EFHD1: variants seen among roughly 807,000 people sequenced by gnomAD.
EFHD1 encodes the protein EF-hand domain-containing protein D1.
EFHD1 carries 10 observed loss-of-function variants against 17.2 expected under a neutral mutation model. That is an observed-to-expected ratio of 0.58 (90% CI 0.36 to 0.99). The LOEUF is 0.99. Among genes scored for constraint, EFHD1 ranks in the 50% least tolerant of loss-of-function variants. EFHD1 has a pLI of 0.01. For synonymous variants in EFHD1, 153 were observed against 142.0 expected (o/e 1.08, Z -0.55); for missense variants, 310 against 327.5 (o/e 0.95, Z 0.41).
chr2:232,623,818 G>A (rs544107010), intron 1 of EFHD1, among the ~76,000 whole-genome samples: 13 of 152,304 alleles, frequency 8.5e-5, no homozygotes, highest in Admixed American at 8.5e-4. Flanking sequence ...GAGGACAAGT[G>A]GGCAGAGGGC....
At chr2:232,654,872 C>G (rs1379446953) in intron 1 of EFHD1, among the ~76,000 whole-genome samples, 1 of 152,192 alleles carries the variant, frequency 6.6e-6, no homozygotes, top group Non-Finnish European at 1.5e-5. Context: ...CTTCCTCTCC[C>G]AGCTGAGGAC....
chr2:232,613,677 T>C (rs796672334), intron 1 of EFHD1, among the ~76,000 whole-genome samples: 1 of 51,810 alleles, frequency 1.9e-5, no homozygotes, highest in African/African-American at 5.9e-5. Context: ...CACACAAATA[T>C]ACACACATAC....
intron 3 of EFHD1, among the ~76,000 whole-genome samples, chr2:232,678,143 C>T (rs1695210809): frequency 6.6e-6 from 1 of 151,702 alleles, no homozygotes; most frequent in Non-Finnish European, 1.5e-5. Flanking sequence ...ATTAGCTGGG[C>T]GTGGTGGCGT....
intron 1 of EFHD1, among the ~76,000 whole-genome samples, chr2:232,613,602 C>CCA (rs138706897): frequency 0.072 from 10,034 of 138,428 alleles, 448 homozygotes; most frequent in Admixed American, 0.14. Flanking sequence ...CAAAGAGGAA[C>CCA]CACACACACA....
At chr2:232,615,330 T>TGTGC (rs1553594535) in intron 1 of EFHD1, among the ~76,000 whole-genome samples, 1 of 141,056 alleles carries the variant, frequency 7.1e-6, no homozygotes, top group Non-Finnish European at 1.6e-5. Context: ...TGTGTGTGTG[T>TGTGC]GTGTGTGTGT....
chr2:232,664,606 G>GTTTTTTTT (rs57219644), intron 2 of EFHD1, among the ~76,000 whole-genome samples: 3 of 62,678 alleles, frequency 4.8e-5, no homozygotes, highest in Non-Finnish European at 5.6e-5. Flanking sequence ...CCCCAAAATA[G>GTTTTTTTT]TTTTTTTTTT....
At chr2:232,663,775 T>C (rs574315235) in intron 2 of EFHD1, among the ~76,000 whole-genome samples, 1 of 152,168 alleles carries the variant, frequency 6.6e-6, no homozygotes, top group Non-Finnish European at 1.5e-5. Flanking sequence ...AAACATTCTA[T>C]TCCTTTTAGT....
chr2:232,652,462 A>G (rs968344967), intron 1 of EFHD1, among the ~76,000 whole-genome samples: 10 of 152,226 alleles, frequency 6.6e-5, no homozygotes, highest in African/African-American at 2.4e-4. Context: ...CCCCGGGTTC[A>G]TTCTGATCCC....
intron 1 of EFHD1, among the ~76,000 whole-genome samples, chr2:232,651,631 T>C (rs1694655553): frequency 6.6e-6 from 1 of 152,196 alleles, no homozygotes. Context: ...ATCTTGTCTA[T>C]TTTCCTTTAT....
At chr2:232,638,307 C>G in intron 1 of EFHD1, 1 of 469,880 alleles carries the variant, frequency 2.1e-6, no homozygotes, top group Admixed American at 2.4e-5. Flanking sequence ...AATGCAGCCG[C>G]AAGGTTTTTG....
intron 1 of EFHD1, among the ~76,000 whole-genome samples, chr2:232,634,275 A>C (rs895377856): frequency 6.6e-6 from 1 of 150,474 alleles, no homozygotes; most frequent in Non-Finnish European, 1.5e-5. Flanking sequence ...AGGTCCCCCA[A>C]CCCCGACCAC....
At chr2:232,613,878 A>C (rs550993592) in intron 1 of EFHD1, among the ~76,000 whole-genome samples, 2 of 102,062 alleles carry the variant, frequency 2.0e-5, no homozygotes, top group South Asian at 5.0e-4. Flanking sequence ...AAATATACAC[A>C]CACATATACA....
chr2:232,664,726 G>T (rs546355356), intron 2 of EFHD1, among the ~76,000 whole-genome samples: 23 of 143,962 alleles, frequency 1.6e-4, no homozygotes, highest in Non-Finnish European at 3.0e-4. Flanking sequence ...CCATTCTCCT[G>T]CCTCAGCCTC....
intron 1 of EFHD1, among the ~76,000 whole-genome samples, chr2:232,639,726 C>A (rs1381362900): frequency 2.0e-5 from 3 of 152,114 alleles, no homozygotes; most frequent in Non-Finnish European, 2.9e-5. Flanking sequence ...GTCTTGGGAG[C>A]TAGAGGGTGC....
intron 1 of EFHD1, among the ~76,000 whole-genome samples, chr2:232,645,726 A>G (rs777435316): frequency 6.6e-5 from 10 of 152,244 alleles, no homozygotes; most frequent in South Asian, 4.1e-4. Flanking sequence ...CGATTTCCAC[A>G]TGGGAACTCA....
chr2:232,677,972 T>C (rs937554994), intron 3 of EFHD1, among the ~76,000 whole-genome samples: 2 of 152,100 alleles, frequency 1.3e-5, no homozygotes, highest in South Asian at 2.1e-4. Flanking sequence ...TATCAATGAA[T>C]GTAGCTCTAA....
At chr2:232,655,802 CTTTTTTT>C (rs66762860) in intron 1 of EFHD1, among the ~76,000 whole-genome samples, 2 of 133,282 alleles carry the variant, frequency 1.5e-5, no homozygotes, top group Admixed American at 7.4e-5. Flanking sequence ...TGTGTGGGGT[CTTTTTTT>C]TTTTTTTTTT....
intron 1 of EFHD1, among the ~76,000 whole-genome samples, chr2:232,644,785 C>T (rs1245142903): frequency 6.7e-6 from 1 of 149,830 alleles, no homozygotes; most frequent in African/African-American, 2.5e-5. Flanking sequence ...AGCCACTGCA[C>T]CTGGCCTAAT....
intron 1 of EFHD1, among the ~76,000 whole-genome samples, chr2:232,656,974 CTTGTT>C (rs1694775413): frequency 6.6e-6 from 1 of 152,088 alleles, no homozygotes; most frequent in South Asian, 2.1e-4. Context: ...GAGATGGGGT[CTTGTT>C]TTGTTGCCCA....
Sources: allele counts gnomAD v4.1 joint callset (sites outside exome capture counted in the v4.1 genomes callset), GRCh38; gene constraint gnomAD v4.1.1; transcripts MANE v1.5; gene names NCBI Gene and HGNC (gene_info 2026-07-23, HGNC 2026-07-21).